Variants in TAB3 observed in about 807,000 individuals in gnomAD.
The protein encoded by TAB3 is TGF-beta-activated kinase 1 and MAP3K7-binding protein 3.
Under a neutral mutation model 48.1 loss-of-function variants are expected in TAB3, and 18 were observed. That is an observed-to-expected ratio of 0.37 (90% CI 0.26 to 0.55). The LOEUF is 0.55. TAB3 is among the 20% of genes least tolerant of loss of function. The pLI is 0.78. For synonymous variants in TAB3, 185 were observed against 190.2 expected (o/e 0.97, Z 0.22); for missense variants, 414 against 549.8 (o/e 0.75, Z 2.47).
At chrX:30,841,160 T>A (rs1938425415) in intron 9 of TAB3, among the ~76,000 whole-genome samples, 1 of 112,256 alleles carries the variant, frequency 8.9e-6, no homozygotes, top group African/African-American at 3.2e-5. Context: ...CCAGGTGCGG[T>A]AGCTCATGCC....
intron 9 of TAB3, among the ~76,000 whole-genome samples, chrX:30,842,053 T>C (rs559462841): frequency 7.1e-5 from 8 of 112,691 alleles, no homozygotes; most frequent in African/African-American, 2.6e-4. Flanking sequence ...ATGTGATCCA[T>C]CCGTCTGGCT....
intron 4 of TAB3, among the ~76,000 whole-genome samples, chrX:30,863,750 A>ATAAAT (rs1297336383): frequency 8.9e-6 from 1 of 112,101 alleles, no homozygotes; most frequent in Non-Finnish European, 1.9e-5. Flanking sequence ...TCTTTTCTTT[A>ATAAAT]TAAATTACCC....
At chrX:30,866,870 T>A (rs866286022) in intron 4 of TAB3, among the ~76,000 whole-genome samples, 2 of 74,706 alleles carry the variant, frequency 2.7e-5, no homozygotes, top group Non-Finnish European at 2.5e-5. Context: ...AAGGGGTGTT[T>A]AAAAAAAAAA....
chrX:30,843,381 A>T (rs1289487626), intron 8 of TAB3: 1 of 129,973 alleles, frequency 7.7e-6, no homozygotes, highest in Non-Finnish European at 1.5e-5. Context: ...AGGATGGTTG[A>T]ACTGTTTTCT....
At chrX:30,881,786 A>G (rs1940006157) in intron 1 of TAB3, among the ~76,000 whole-genome samples, 1 of 111,992 alleles carries the variant, frequency 8.9e-6, no homozygotes, top group Non-Finnish European at 1.9e-5. Flanking sequence ...CTTCAAGGTC[A>G]TAAGAAGCTC....
chrX:30,833,253 G>A lies in TAB3; in HGVS notation c.1990+798C>T, dbSNP rs757274785. Among the ~76,000 whole-genome samples the A allele has an allele frequency of 5.5e-5, 6 of 110,034 alleles. No homozygotes were observed. In the South Asian group the frequency reaches 2.0e-3, roughly 36 times the overall value. On this transcript the variant is annotated intron_variant, in intron 10 of 10. Transcript: ENST00000288422. ...CAAAGTGCTGGGATTACAGGTGTGA[G>A]CCACCGCACCCGGCCTACTATGCCA...
At chrX:30,847,768 T>C (rs1442936202) in intron 7 of TAB3, among the ~76,000 whole-genome samples, 1 of 111,574 alleles carries the variant, frequency 9.0e-6, no homozygotes. Flanking sequence ...TTAATTCATA[T>C]GGTGTTAGGA....
intron 7 of TAB3, among the ~76,000 whole-genome samples, chrX:30,849,096 A>G (rs1224346865): frequency 8.9e-6 from 1 of 112,137 alleles, no homozygotes; most frequent in Non-Finnish European, 1.9e-5. Flanking sequence ...AAGTACTTAT[A>G]TTGTTACCAT....
chrX:30,860,990 G>A (rs1338096919), intron 4 of TAB3, among the ~76,000 whole-genome samples: 1 of 111,949 alleles, frequency 8.9e-6, no homozygotes, highest in Non-Finnish European at 1.9e-5. Flanking sequence ...ACAAACATGT[G>A]TACATGCACA....
At chrX:30,872,007 T>C (rs1411383865) in intron 1 of TAB3, among the ~76,000 whole-genome samples, 1 of 112,109 alleles carries the variant, frequency 8.9e-6, no homozygotes, top group East Asian at 2.8e-4. Flanking sequence ...TGCTCCTCTC[T>C]CATCACCTCG....
chrX:30,859,360 C>CCCCACACACACACACACA (rs1555941682), intron 5 of TAB3, 127 bp downstream of exon 5: 1 of 399,883 alleles, frequency 2.5e-6, no homozygotes, highest in Non-Finnish European at 4.4e-6. Flanking sequence ...AAATCCTGCT[C>CCCCACACACACACACACA]CACACACACA....
intron 9 of TAB3, among the ~76,000 whole-genome samples, chrX:30,841,315 T>C (rs1348606895): frequency 2.7e-5 from 3 of 110,012 alleles, no homozygotes; most frequent in Non-Finnish European, 5.7e-5. Context: ...CTTGGGAGGC[T>C]GAGACAGGAG....
rs1458908160 is a variant in TAB3, at chrX:30,859,495, T to C, written c.94A>G (p.Met32Val). The C allele has an allele frequency of 8.3e-7, 1 of 1,205,491 alleles. No homozygotes were observed. Among genetic ancestry groups the C allele is most frequent in the South Asian group, 1.8e-5 (1 of 56,508 alleles). Reference sequence around the variant, plus strand: ...ACTGGTAGGTAACTTACCTGTAACATGCACTGAGACACCACGCCCTCTGGA... The same window carrying C: ...ACTGGTAGGTAACTTACCTGTAACACGCACTGAGACACCACGCCCTCTGGA... The part of the protein sequence containing the change: ...EIPEGVVSQC[M>V]LQNNNNLEAC... Residue 32 changes from methionine (M) to valine (V), a missense_variant, in exon 5 of 11, where the codon ATG becomes GTG. By Grantham distance (21) the Met-to-Val change is conservative. Coordinates refer to ENST00000288422, the MANE Select transcript of TAB3 (RefSeq NM_152787.5).
At chrX:30,856,906 A>C (rs1939095462) in intron 5 of TAB3, among the ~76,000 whole-genome samples, 1 of 111,489 alleles carries the variant, frequency 9.0e-6, no homozygotes, top group African/African-American at 3.3e-5. Flanking sequence ...CCTGAGTCCC[A>C]GTGCTCTTTC....
intron 1 of TAB3, 74 bp downstream of exon 1, chrX:30,889,040 T>A (rs1940221938): frequency 8.9e-6 from 1 of 112,518 alleles, no homozygotes; most frequent in Non-Finnish European, 1.9e-5. Flanking sequence ...AGGCACAGGG[T>A]CACTGGGACG....
intron 1 of TAB3, among the ~76,000 whole-genome samples, chrX:30,878,739 T>C (rs893600922): frequency 1.2e-4 from 13 of 111,437 alleles, no homozygotes; most frequent in African/African-American, 3.3e-4. Context: ...TTTTAAAAGA[T>C]TGAAATCACT....
chrX:30,857,268 C>T (rs991006408), intron 5 of TAB3, among the ~76,000 whole-genome samples: 16 of 111,329 alleles, frequency 1.4e-4, no homozygotes, highest in Non-Finnish European at 2.6e-4. Context: ...AAAACCATTA[C>T]AACTCAAAGA....
chrX:30,841,183 A>G (rs1042888282), intron 9 of TAB3, among the ~76,000 whole-genome samples: 1 of 111,855 alleles, frequency 8.9e-6, no homozygotes, highest in Admixed American at 9.5e-5. Context: ...TAATCCCAGC[A>G]CTTTGGGAGG....
intron 7 of TAB3, among the ~76,000 whole-genome samples, chrX:30,851,978 T>A (rs1268857287): frequency 8.9e-6 from 1 of 112,288 alleles, no homozygotes. Flanking sequence ...CCACACTGTA[T>A]TATAATTATC....
Sources: allele counts gnomAD v4.1 joint callset (sites outside exome capture counted in the v4.1 genomes callset), GRCh38; gene constraint gnomAD v4.1.1; transcripts MANE v1.5; gene names NCBI Gene and HGNC (gene_info 2026-07-23, HGNC 2026-07-21).